WWOX: variants seen among roughly 807,000 people sequenced by gnomAD.
WWOX encodes the protein WW domain-containing oxidoreductase.
WWOX carries 69 observed loss-of-function variants against 46.2 expected under a neutral mutation model. That is an observed-to-expected ratio of 1.49 (90% CI 1.23 to 1.82). The LOEUF (loss-of-function observed/expected upper bound fraction) is 1.82, where lower values mean the gene tolerates loss of function less well. Among genes scored for constraint, WWOX ranks in the 40% most tolerant of loss-of-function variants. The pLI, the probability that WWOX is intolerant of heterozygous loss-of-function variation, is 0.00. For missense variants in WWOX, 919 were observed against 542.6 expected, an observed-to-expected ratio of 1.69 and a Z score of -6.89; for synonymous variants, 359 against 202.6, an observed-to-expected ratio of 1.77 and a Z score of -6.56.
intron 8 of WWOX, among the ~76,000 whole-genome samples, chr16:78,838,396 A>G (rs1013787753): frequency 3.3e-5 from 5 of 152,242 alleles, no homozygotes; most frequent in South Asian, 2.1e-4. Context: ...ACACAGTTGC[A>G]TCTTAAAATG....
At chr16:78,460,008 T>C (rs2083912184) in intron 8 of WWOX, among the ~76,000 whole-genome samples, 1 of 149,854 alleles carries the variant, frequency 6.7e-6, no homozygotes, top group Non-Finnish European at 1.5e-5. Context: ...TTTTTCACCA[T>C]GTTGTTCAGG....
intron 8 of WWOX, among the ~76,000 whole-genome samples, chr16:78,986,169 G>A (rs181146335): frequency 2.4e-3 from 361 of 152,342 alleles, no homozygotes; most frequent in Admixed American, 4.4e-3. Context: ...TTCCCTAGGC[G>A]AGATGAGTCA....
At chr16:78,556,148 A>G (rs1011185920) in intron 8 of WWOX, among the ~76,000 whole-genome samples, 8 of 152,076 alleles carry the variant, frequency 5.3e-5, no homozygotes, top group African/African-American at 1.4e-4. Context: ...CAAAGACGCA[A>G]GAGGGTCAAT....
intron 5 of WWOX, among the ~76,000 whole-genome samples, chr16:78,320,695 CTG>C (rs2080448326): frequency 6.6e-6 from 1 of 152,168 alleles, no homozygotes; most frequent in Non-Finnish European, 1.5e-5. Flanking sequence ...TTTCAAGTAT[CTG>C]GATGTTTCTA....
At chr16:78,108,639 A>G (rs2032304280) in intron 2 of WWOX, 152 bp downstream of exon 2, 2 of 860,662 alleles carry the variant, frequency 2.3e-6, no homozygotes, top group Non-Finnish European at 1.9e-6. Flanking sequence ...GGGATTTGGC[A>G]GAAGAAGATG....
chr16:78,232,106 A>G (rs910482625), intron 5 of WWOX, among the ~76,000 whole-genome samples: 2 of 152,206 alleles, frequency 1.3e-5, no homozygotes, highest in Non-Finnish European at 2.9e-5. Context: ...AGAAAGTACA[A>G]GTAAGTATAC....
intron 8 of WWOX, among the ~76,000 whole-genome samples, chr16:78,579,284 T>G (rs1052903242): frequency 1.3e-5 from 2 of 152,142 alleles, no homozygotes; most frequent in Non-Finnish European, 2.9e-5. Context: ...TAAATTGCAG[T>G]AGAGTGTGAC....
chr16:78,629,625 C>T (rs1191615810), intron 8 of WWOX, among the ~76,000 whole-genome samples: 2 of 152,198 alleles, frequency 1.3e-5, no homozygotes, highest in Non-Finnish European at 2.9e-5. Flanking sequence ...TCCCCAGAAA[C>T]CTGCTACCTA....
At chr16:78,860,484 C>G (rs2052690100) in intron 8 of WWOX, among the ~76,000 whole-genome samples, 1 of 151,750 alleles carries the variant, frequency 6.6e-6, no homozygotes, top group Non-Finnish European at 1.5e-5. Flanking sequence ...TGCAAATTGC[C>G]TGACATTCAA....
chr16:78,902,260 C>G (rs2044848964), intron 8 of WWOX, among the ~76,000 whole-genome samples: 2 of 152,194 alleles, frequency 1.3e-5, no homozygotes, highest in African/African-American at 2.4e-5. Context: ...CCAAACCCCA[C>G]CAAATGCCTT....
At chr16:78,577,688 C>A (rs370059502) in intron 8 of WWOX, among the ~76,000 whole-genome samples, 26 of 152,300 alleles carry the variant, frequency 1.7e-4, no homozygotes, top group African/African-American at 5.8e-4. Context: ...CTGGACAATT[C>A]CCCAATTCAT....
At chr16:79,122,433 CA>C (rs1229166007) in intron 8 of WWOX, among the ~76,000 whole-genome samples, 1 of 152,174 alleles carries the variant, frequency 6.6e-6, no homozygotes, top group Admixed American at 6.5e-5. Context: ...TGTGGGCAAG[CA>C]CGGCATCTCT....
chr16:79,120,990 A>T (rs935256570), intron 8 of WWOX, among the ~76,000 whole-genome samples: 1 of 152,150 alleles, frequency 6.6e-6, no homozygotes, highest in Non-Finnish European at 1.5e-5. Context: ...GCTGGTTTCG[A>T]ACTCGTGACC....
chr16:78,320,104 G>C (rs1022497904), intron 5 of WWOX, among the ~76,000 whole-genome samples: 4 of 152,146 alleles, frequency 2.6e-5, no homozygotes, highest in Non-Finnish European at 4.4e-5. Context: ...AACTGCATGA[G>C]GGCAAAAACT....
intron 8 of WWOX, among the ~76,000 whole-genome samples, chr16:78,433,401 C>T (rs1482879181): frequency 6.6e-6 from 1 of 152,150 alleles, no homozygotes; most frequent in African/African-American, 2.4e-5. Flanking sequence ...GAACCTTCTT[C>T]TATGAAATGG....
chr16:78,729,032 C>T (rs1232967363), intron 8 of WWOX, among the ~76,000 whole-genome samples: 1 of 152,068 alleles, frequency 6.6e-6, no homozygotes, highest in African/African-American at 2.4e-5. Context: ...AGATATCCCG[C>T]CCCACCAAAG....
chr16:78,456,756 T>C (rs549764983), intron 8 of WWOX, among the ~76,000 whole-genome samples: 1 of 152,388 alleles, frequency 6.6e-6, no homozygotes, highest in South Asian at 2.1e-4. Flanking sequence ...TCATAATATG[T>C]GTAAAAATTA....
intron 8 of WWOX, among the ~76,000 whole-genome samples, chr16:78,473,128 A>C (rs187736784): frequency 1.6e-4 from 24 of 152,308 alleles, no homozygotes; most frequent in Non-Finnish European, 3.2e-4. Context: ...CTTATCTTTT[A>C]TGTAATGTTT....
chr16:79,163,383 G>A (rs575872234), intron 8 of WWOX, among the ~76,000 whole-genome samples: 1 of 152,340 alleles, frequency 6.6e-6, no homozygotes, highest in South Asian at 2.1e-4. Flanking sequence ...TTTAGTAGAA[G>A]TAGGAATCGT....
Sources: gnomAD v4.1 joint callset for allele counts (sites outside exome capture counted in the v4.1 genomes callset) on GRCh38, gnomAD v4.1.1 for gene constraint, MANE v1.5 for transcripts, NCBI Gene and HGNC (gene_info 2026-07-23, HGNC 2026-07-21) for gene names.